The following UVRAG variants were observed in gnomAD, a reference collection of about 807,000 sequenced individuals.
UVRAG encodes UV radiation resistance associated.
UVRAG carries 19 observed loss-of-function variants against 78.0 expected under a neutral mutation model. The observed-to-expected ratio is 0.24, with a 90% CI of 0.17 to 0.36. UVRAG has a LOEUF of 0.36. Ranked by LOEUF, UVRAG falls within the 10% of genes least tolerant of loss-of-function variation. The pLI, the probability that UVRAG is intolerant of heterozygous loss-of-function variation, is 1.00. For missense variants in UVRAG, 740 were observed against 853.8 expected (o/e 0.87, Z 1.66); for synonymous variants, 323 against 324.6 (o/e 1.00, Z 0.05).
intron 5 of UVRAG, among the ~76,000 whole-genome samples, chr11:75,899,800 T>C (rs372602862): frequency 2.0e-5 from 3 of 152,190 alleles, no homozygotes; most frequent in East Asian, 3.9e-4. Flanking sequence ...GCATTTATTA[T>C]TGTAGAGTGG....
At chr11:75,935,100 A>G (rs1948340931) in intron 6 of UVRAG, 1 of 152,032 alleles carries the variant, frequency 6.6e-6, no homozygotes, top group African/African-American at 2.4e-5. Context: ...TACTGGGCAT[A>G]ATGATGCTCT....
intron 14 of UVRAG, among the ~76,000 whole-genome samples, chr11:76,119,349 C>T (rs762427550): frequency 2.6e-5 from 4 of 152,010 alleles, no homozygotes; most frequent in East Asian, 1.9e-4. Flanking sequence ...TTTCCTCCTC[C>T]GCCTCCTCTC....
intron 5 of UVRAG, among the ~76,000 whole-genome samples, chr11:75,907,755 C>A (rs1388117668): frequency 6.6e-6 from 1 of 151,796 alleles, no homozygotes; most frequent in Non-Finnish European, 1.5e-5. Flanking sequence ...TCTCTAACTC[C>A]TGGGCTCTAG....
intron 14 of UVRAG, among the ~76,000 whole-genome samples, chr11:76,133,242 A>G (rs1952543320): frequency 6.6e-6 from 1 of 152,176 alleles, no homozygotes; most frequent in Non-Finnish European, 1.5e-5. Flanking sequence ...AACTATTGGT[A>G]GCTATAACCA....
chr11:76,110,220 A>ATATATATATATATATATATC (rs1952046202), intron 13 of UVRAG, among the ~76,000 whole-genome samples: 1 of 150,006 alleles, frequency 6.7e-6, no homozygotes, highest in African/African-American at 2.5e-5. Flanking sequence ...ACATATATAT[A>ATATATATATATATATATATC]TATATATATA....
intron 7 of UVRAG, among the ~76,000 whole-genome samples, chr11:75,973,802 G>A (rs1949174245): frequency 6.6e-6 from 1 of 152,150 alleles, no homozygotes; most frequent in Non-Finnish European, 1.5e-5. Context: ...GTGAGAATGA[G>A]GTGTTTGGTT....
At chr11:75,822,753 T>C (rs2135805318) in intron 1 of UVRAG, among the ~76,000 whole-genome samples, 1 of 151,762 alleles carries the variant, frequency 6.6e-6, no homozygotes, top group South Asian at 2.1e-4. Flanking sequence ...ATGGGGGAAG[T>C]GGCCCAGAGC....
chr11:75,855,444 C>T (rs1946266215), intron 2 of UVRAG, among the ~76,000 whole-genome samples: 1 of 152,186 alleles, frequency 6.6e-6, no homozygotes, highest in Non-Finnish European at 1.5e-5. Context: ...CCTCCCATTC[C>T]AAAATGTCAT....
chr11:75,916,625 G>A (rs1294937724), intron 6 of UVRAG: 2 of 152,184 alleles, frequency 1.3e-5, no homozygotes, highest in African/African-American at 4.8e-5. Context: ...ATTGAGAACA[G>A]GTTTTGCAGC....
At chr11:75,988,134 A>G (rs1456477544) in intron 8 of UVRAG, among the ~76,000 whole-genome samples, 1 of 152,196 alleles carries the variant, frequency 6.6e-6, no homozygotes, top group Admixed American at 6.5e-5. Flanking sequence ...TTAATGAGGT[A>G]TATTTTACAA....
At position 76,048,174 on chromosome 11, in the gene UVRAG, G is replaced by T. The variant is rs1950799445; in HGVS notation, c.1227-17536G>T. Among the ~76,000 whole-genome samples the T allele has an allele frequency of 2.6e-5, 4 of 152,178 alleles. No individual in the cohort carries two copies. The South Asian group carries it at 8.3e-4, about 32-fold the overall frequency. On this transcript the variant is annotated intron_variant, in intron 12 of 14. Transcript: ENST00000356136. ...AATCACTGCACATAGCTATAAAGATGTTTGGGCTTGAAAGCCTAGCCTGTA... is the reference window on the plus strand; with the variant it reads ...AATCACTGCACATAGCTATAAAGATTTTTGGGCTTGAAAGCCTAGCCTGTA...
intron 13 of UVRAG, among the ~76,000 whole-genome samples, chr11:76,096,326 A>G (rs1341578242): frequency 6.6e-6 from 1 of 152,258 alleles, no homozygotes; most frequent in Non-Finnish European, 1.5e-5. Context: ...TATGTTAAAT[A>G]TAAAATTATT....
At chr11:76,063,126 A>G (rs1259339227) in intron 12 of UVRAG, among the ~76,000 whole-genome samples, 1 of 152,202 alleles carries the variant, frequency 6.6e-6, no homozygotes, top group Admixed American at 6.5e-5. Flanking sequence ...TTCAACAAAT[A>G]TTTATTGCGT....
intron 1 of UVRAG, among the ~76,000 whole-genome samples, chr11:75,849,828 T>A (rs1280166861): frequency 6.6e-6 from 1 of 152,248 alleles, no homozygotes; most frequent in Non-Finnish European, 1.5e-5. Context: ...TTCTCCAGGT[T>A]CTAGGTGTTT....
chr11:76,081,923 G>A (rs1207897539), intron 13 of UVRAG, among the ~76,000 whole-genome samples: 2 of 135,060 alleles, frequency 1.5e-5, no homozygotes, highest in African/African-American at 5.8e-5. Flanking sequence ...ATGATGTAGA[G>A]TAAAAGAACC....
At chr11:76,004,110 A>C in intron 9 of UVRAG, 21 bp downstream of exon 9, 3 of 1,609,680 alleles carry the variant, frequency 1.9e-6, no homozygotes, top group Non-Finnish European at 2.6e-6. Flanking sequence ...ACTGAGAAGA[A>C]TTGCTGTGAG....
chr11:76,077,631 T>A (rs1246352566), intron 13 of UVRAG, among the ~76,000 whole-genome samples: 1 of 152,248 alleles, frequency 6.6e-6, no homozygotes, highest in Non-Finnish European at 1.5e-5. Flanking sequence ...GTTGGTATTA[T>A]TATCTTCATT....
chr11:76,091,518 C>T lies in UVRAG; in HGVS notation c.1306-24406C>T, dbSNP rs533593395. 9.2e-5 allele frequency among the ~76,000 whole-genome samples: 14 copies of T among 152,046 alleles called. No homozygotes were observed. The East Asian group carries it at 1.4e-3, about 15-fold the overall frequency. On this transcript the variant is annotated intron_variant, in intron 13 of 14. Transcript: ENST00000356136. Reference sequence around the variant, plus strand: ...TACTATCGTTTAGATATTAGGTTTCCTGTACTGCTCCTGTAATTTTCTTAC... The same window carrying T: ...TACTATCGTTTAGATATTAGGTTTCTTGTACTGCTCCTGTAATTTTCTTAC...
At chr11:75,831,488 C>T (rs1200440501) in intron 1 of UVRAG, among the ~76,000 whole-genome samples, 1 of 127,230 alleles carries the variant, frequency 7.9e-6, no homozygotes, top group Non-Finnish European at 1.6e-5. Context: ...AACTCCTTCT[C>T]AAAAAACAAA....
Sources: allele counts gnomAD v4.1 joint callset (sites outside exome capture counted in the v4.1 genomes callset), GRCh38; gene constraint gnomAD v4.1.1; transcripts MANE v1.5; gene names NCBI Gene and HGNC (gene_info 2026-07-23, HGNC 2026-07-21).